NAALADL2: variants seen among roughly 807,000 people sequenced by gnomAD.
NAALADL2 encodes inactive N-acetylated-alpha-linked acidic dipeptidase-like protein 2.
A neutral mutation model predicts 87.2 loss-of-function variants in NAALADL2; 76 were observed. That is an observed-to-expected ratio of 0.87 (90% CI 0.72 to 1.05). The LOEUF (loss-of-function observed/expected upper bound fraction) is 1.05, where lower values mean the gene tolerates loss of function less well. Among genes scored for constraint, NAALADL2 ranks in the 50% least tolerant of loss-of-function variants. NAALADL2 has a pLI of 0.00. For missense variants in NAALADL2, 1,089 were observed against 945.8 expected (o/e 1.15, Z -1.99); for synonymous variants, 354 against 331.0 (o/e 1.07, Z -0.75).
chr3:175,182,468 A>G (rs1045073913), intron 2 of NAALADL2, among the ~76,000 whole-genome samples: 5 of 150,434 alleles, frequency 3.3e-5, no homozygotes, highest in Admixed American at 1.3e-4. Flanking sequence ...GCTCACTGCA[A>G]CCTTGTTCTC....
chr3:174,827,794 C>T (rs934336959), intron 3 of NAALADL2, among the ~76,000 whole-genome samples: 5 of 152,190 alleles, frequency 3.3e-5, no homozygotes, highest in Non-Finnish European at 7.3e-5. Flanking sequence ...AAAGACCCTA[C>T]CTTTTTACCA....
chr3:175,046,687 C>T (rs886900477), intron 1 of NAALADL2, among the ~76,000 whole-genome samples: 26 of 152,134 alleles, frequency 1.7e-4, no homozygotes, highest in South Asian at 6.2e-4. Flanking sequence ...CAAAGGCTTG[C>T]GACAATCCAA....
chr3:175,350,926 A>G (rs1763690638), intron 5 of NAALADL2, among the ~76,000 whole-genome samples: 1 of 152,174 alleles, frequency 6.6e-6, no homozygotes. Context: ...CATACATACA[A>G]ATTATCCTGG....
chr3:175,459,118 A>T (rs1476914516), intron 6 of NAALADL2, among the ~76,000 whole-genome samples: 1 of 152,120 alleles, frequency 6.6e-6, no homozygotes. Flanking sequence ...CCATAAAAGA[A>T]AATTAGCACA....
chr3:175,198,609 T>C (rs1353536826), intron 2 of NAALADL2, among the ~76,000 whole-genome samples: 1 of 152,058 alleles, frequency 6.6e-6, no homozygotes, highest in African/African-American at 2.4e-5. Flanking sequence ...TGCCTTGAAA[T>C]GATAATGTTG....
At chr3:175,629,292 G>A (rs59768004) in intron 11 of NAALADL2, among the ~76,000 whole-genome samples, 38,905 of 147,040 alleles carry the variant, frequency 0.26, 5,869 homozygotes, top group African/African-American at 0.43. Flanking sequence ...ATGTATACAC[G>A]CAGACACACA....
chr3:175,653,207 T>C (rs955430810), intron 11 of NAALADL2, among the ~76,000 whole-genome samples: 7 of 151,586 alleles, frequency 4.6e-5, no homozygotes, highest in African/African-American at 1.5e-4. Flanking sequence ...ATGGAGGAGA[T>C]GGAAGGGGAG....
chr3:175,150,793 A>G (rs1279708428), intron 2 of NAALADL2, among the ~76,000 whole-genome samples: 1 of 152,208 alleles, frequency 6.6e-6, no homozygotes, highest in East Asian at 1.9e-4. Context: ...TCAAACATTA[A>G]TGATAGCCTA....
intron 1 of NAALADL2, among the ~76,000 whole-genome samples, chr3:175,036,142 C>A (rs1753378541): frequency 6.6e-6 from 1 of 152,034 alleles, no homozygotes; most frequent in Non-Finnish European, 1.5e-5. Context: ...TAATTAGAAT[C>A]AAAATGTCAC....
Position 174,456,521 on chromosome 3 carries a change from A to G in NAALADL2, c.-184+15489A>G, listed in dbSNP as rs559972308. Among the ~76,000 whole-genome samples, 3 of 151,998 alleles carry G rather than the reference A, an allele frequency of 2.0e-5. No individual in the cohort carries two copies. The South Asian group carries it at 6.2e-4, about 32-fold the overall frequency. ...GCATGGCACTGGTACAAACCCAGACACATAGACTGATGGAACAAAATAGCC... is the reference window on the plus strand; with the variant it reads ...GCATGGCACTGGTACAAACCCAGACGCATAGACTGATGGAACAAAATAGCC... On this transcript the variant is annotated intron_variant, in intron 1 of 3. Coordinates refer to the NAALADL2 transcript ENST00000434257.
intron 4 of NAALADL2, among the ~76,000 whole-genome samples, chr3:175,272,234 T>C (rs1042316440): frequency 2.0e-5 from 3 of 152,174 alleles, no homozygotes; most frequent in Non-Finnish European, 4.4e-5. Context: ...TATGGCAAAT[T>C]CTATACTTTT....
At chr3:174,894,910 A>G (rs1320878059) in intron 1 of NAALADL2, among the ~76,000 whole-genome samples, 2 of 152,122 alleles carry the variant, frequency 1.3e-5, no homozygotes, top group Non-Finnish European at 2.9e-5. Flanking sequence ...CAGGGAAATT[A>G]AACAATATGC....
At chr3:175,177,952 T>TAA (rs1735930360) in intron 2 of NAALADL2, among the ~76,000 whole-genome samples, 1 of 146,298 alleles carries the variant, frequency 6.8e-6, no homozygotes, top group African/African-American at 2.6e-5. Context: ...GTGAATACAT[T>TAA]GAAAACTATA....
chr3:175,632,061 A>G (rs1193872225), intron 11 of NAALADL2, among the ~76,000 whole-genome samples: 3 of 151,978 alleles, frequency 2.0e-5, no homozygotes, highest in Non-Finnish European at 4.4e-5. Context: ...ATATGGGAGG[A>G]AAGAAGATGG....
intron 11 of NAALADL2, among the ~76,000 whole-genome samples, chr3:175,721,591 T>A (rs1742243532): frequency 6.6e-6 from 1 of 151,952 alleles, no homozygotes; most frequent in South Asian, 2.1e-4. Flanking sequence ...AATGAATAAT[T>A]AGGAAGATAC....
chr3:174,883,068 G>A (rs1323292649), intron 1 of NAALADL2, among the ~76,000 whole-genome samples: 1 of 152,018 alleles, frequency 6.6e-6, no homozygotes, highest in African/African-American at 2.4e-5. Flanking sequence ...AGGGCAGGAA[G>A]CATCCAGCAT....
intron 3 of NAALADL2, among the ~76,000 whole-genome samples, chr3:174,747,002 T>C (rs766253952): frequency 2.0e-5 from 3 of 152,014 alleles, no homozygotes; most frequent in Non-Finnish European, 4.4e-5. Flanking sequence ...GCAATACCAT[T>C]TGGGAAACAG....
intron 2 of NAALADL2, among the ~76,000 whole-genome samples, chr3:174,658,082 A>G (rs1725148144): frequency 6.6e-6 from 1 of 152,180 alleles, no homozygotes; most frequent in African/African-American, 2.4e-5. Flanking sequence ...TAAAGCTGCT[A>G]GAAACACGTA....
intron 13 of NAALADL2, among the ~76,000 whole-genome samples, chr3:175,770,199 C>A (rs1489928285): frequency 6.6e-6 from 1 of 152,052 alleles, no homozygotes; most frequent in African/African-American, 2.4e-5. Context: ...GGTGGGAATG[C>A]AAATATCGAG....
Sources: gnomAD v4.1 joint callset for allele counts (sites outside exome capture counted in the v4.1 genomes callset) on GRCh38, gnomAD v4.1.1 for gene constraint, MANE v1.5 for transcripts, NCBI Gene and HGNC (gene_info 2026-07-23, HGNC 2026-07-21) for gene names.